The following PPM1E variants were observed in gnomAD, a reference collection of about 807,000 sequenced individuals.
PPM1E encodes the protein protein phosphatase 1E.
A neutral mutation model predicts 65.9 loss-of-function variants in PPM1E; 20 were observed. That is an observed-to-expected ratio of 0.30 (90% CI 0.21 to 0.44). The LOEUF (loss-of-function observed/expected upper bound fraction) is 0.44, where lower values mean the gene tolerates loss of function less well. Ranked by LOEUF, PPM1E falls within the 20% of genes least tolerant of loss-of-function variation. The pLI, the probability that PPM1E is intolerant of heterozygous loss-of-function variation, is 1.00. For missense variants in PPM1E, 713 were observed against 953.1 expected, an observed-to-expected ratio of 0.75 and a Z score of 3.32; for synonymous variants, 352 against 374.9, an observed-to-expected ratio of 0.94 and a Z score of 0.70.
At chr17:58,893,401 A>C (rs575079134) in intron 1 of PPM1E, among the ~76,000 whole-genome samples, 1 of 152,338 alleles carries the variant, frequency 6.6e-6, no homozygotes, top group African/African-American at 2.4e-5. Flanking sequence ...CATACTGGAA[A>C]AAGACAAAAC....
intron 1 of PPM1E, among the ~76,000 whole-genome samples, chr17:58,766,128 A>G (rs895658929): frequency 6.8e-6 from 1 of 146,530 alleles, no homozygotes; most frequent in African/African-American, 2.5e-5. Context: ...CATCCACCCT[A>G]CTTGGCCTCC....
chr17:58,927,529 G>A (rs994831011), intron 1 of PPM1E, among the ~76,000 whole-genome samples: 6 of 152,052 alleles, frequency 3.9e-5, no homozygotes, highest in Non-Finnish European at 8.8e-5. Context: ...TAAGTGTTTC[G>A]GTTGCAGTTT....
rs1224327806 is a variant in PPM1E, at chr17:58,983,020, G to A, written c.*1989G>A. The A allele has an allele frequency of 9.1e-7, 1 of 1,094,048 alleles. No homozygotes were observed. The highest frequency in any genetic ancestry group is 1.3e-6 in the Non-Finnish European group (1 of 751,832). The allele number at this position is 1,094,048 out of a possible 1,614,324, so 67.8% of individuals were successfully genotyped here. ...AAAAAAGCTTTTTAAAATTTCTATTGTTGTCTATTGGTAATGTTTTTGATC... is the reference window on the plus strand; with the variant it reads ...AAAAAAGCTTTTTAAAATTTCTATTATTGTCTATTGGTAATGTTTTTGATC... On this transcript the variant is annotated 3_prime_UTR_variant, in exon 7 of 7. Coordinates refer to ENST00000308249, the MANE Select transcript of PPM1E (RefSeq NM_014906.5).
intron 3 of PPM1E, 114 bp downstream of exon 3, chr17:58,966,007 T>C (rs1232214126): frequency 4.5e-6 from 5 of 1,109,330 alleles, no homozygotes; most frequent in Non-Finnish European, 6.4e-6. Flanking sequence ...TCTGGTAGAT[T>C]AGAGTAGGGC....
intron 1 of PPM1E, among the ~76,000 whole-genome samples, chr17:58,952,540 C>T (rs2052254010): frequency 6.6e-6 from 1 of 152,160 alleles, no homozygotes; most frequent in Non-Finnish European, 1.5e-5. Context: ...AATGTTACTG[C>T]TTGGGGGTGT....
At chr17:58,824,510 A>G (rs946886969) in intron 1 of PPM1E, among the ~76,000 whole-genome samples, 2 of 152,098 alleles carry the variant, frequency 1.3e-5, no homozygotes, top group Non-Finnish European at 2.9e-5. Context: ...AAGAGGATTC[A>G]GGTGTAAAAG....
intron 1 of PPM1E, among the ~76,000 whole-genome samples, chr17:58,903,258 A>G (rs2051518607): frequency 1.3e-5 from 2 of 152,152 alleles, no homozygotes; most frequent in African/African-American, 2.4e-5. Context: ...CAGCCTCCCA[A>G]GGTACTCCAT....
chr17:58,795,038 AC>A (rs1242207121), intron 1 of PPM1E, among the ~76,000 whole-genome samples: 1 of 151,548 alleles, frequency 6.6e-6, no homozygotes, highest in Non-Finnish European at 1.5e-5. Context: ...ACAGGAGCCC[AC>A]CCCCATGCCC....
chr17:58,851,192 G>A (rs2050822634), intron 1 of PPM1E, among the ~76,000 whole-genome samples: 1 of 152,100 alleles, frequency 6.6e-6, no homozygotes, highest in African/African-American at 2.4e-5. Context: ...TTTTTTCAAG[G>A]TTTTTAGCTT....
intron 1 of PPM1E, among the ~76,000 whole-genome samples, chr17:58,879,556 C>CT (rs2051167598): frequency 1.5e-5 from 2 of 130,900 alleles, no homozygotes; most frequent in South Asian, 4.9e-4. Context: ...GTCGCCCAGG[C>CT]TGGAGTGCGG....
At chr17:58,786,181 A>AT (rs1396729675) in intron 1 of PPM1E, among the ~76,000 whole-genome samples, 2 of 151,820 alleles carry the variant, frequency 1.3e-5, no homozygotes, top group South Asian at 2.1e-4. Flanking sequence ...CACCTGGCTA[A>AT]TTTTTTGTAT....
rs1491237132 is a variant in PPM1E, at chr17:58,982,168, A to AT, written c.*1138dup. On this transcript the variant is annotated 3_prime_UTR_variant, in exon 7 of 7. Transcript: ENST00000308249. ...CTGTTTAGTTGTAATTGGAAGACAC[A>AT]TGAGTGTCCTGCTTACATGTAGCTT... The AT allele has an allele frequency of 2.6e-5, 4 of 152,686 alleles. No individual in the cohort carries two copies. The highest frequency in any genetic ancestry group is 9.6e-5 in the African/African-American group (4 of 41,472). 9.5% of individuals were successfully genotyped at this position (152,686 alleles called of 1,614,324 possible).
At chr17:58,841,726 G>A (rs770978557) in intron 1 of PPM1E, among the ~76,000 whole-genome samples, 1 of 151,140 alleles carries the variant, frequency 6.6e-6, no homozygotes, top group Admixed American at 6.6e-5. Flanking sequence ...TTTTCATTTC[G>A]AGACAGAGTC....
chr17:58,977,385 A>G (rs1176117066), intron 6 of PPM1E, among the ~76,000 whole-genome samples: 3 of 151,262 alleles, frequency 2.0e-5, no homozygotes, highest in Admixed American at 6.6e-5. Flanking sequence ...GGAGGTTGCA[A>G]TGAGCTGAGA....
At chr17:58,884,101 T>C (rs2051239012) in intron 1 of PPM1E, among the ~76,000 whole-genome samples, 1 of 152,162 alleles carries the variant, frequency 6.6e-6, no homozygotes, top group African/African-American at 2.4e-5. Flanking sequence ...TGTCCTCTAA[T>C]CTCCAGAGAA....
chr17:58,773,608 C>T (rs2049962504), intron 1 of PPM1E, among the ~76,000 whole-genome samples: 1 of 151,986 alleles, frequency 6.6e-6, no homozygotes, highest in Admixed American at 6.6e-5. Flanking sequence ...TAAATTGTAC[C>T]TTCCTTGAAG....
chr17:58,774,004 A>G (rs1277379019), intron 1 of PPM1E, among the ~76,000 whole-genome samples: 2 of 152,074 alleles, frequency 1.3e-5, no homozygotes, highest in East Asian at 3.9e-4. Context: ...TCTACTAAAA[A>G]TACAAAAATT....
At chr17:58,890,041 G>A (rs9911493) in intron 1 of PPM1E, among the ~76,000 whole-genome samples, 126 of 152,248 alleles carry the variant, frequency 8.3e-4, no homozygotes, top group African/African-American at 1.8e-3. Flanking sequence ...GTTATGTTCC[G>A]TAAAGTTACC....
intron 2 of PPM1E, 56 bp downstream of exon 2, chr17:58,955,823 G>A (rs1490348764): frequency 5.4e-6 from 8 of 1,493,496 alleles, no homozygotes; most frequent in Non-Finnish European, 7.1e-6. Flanking sequence ...TATATGTAGT[G>A]GTCCACAGAA....
Sources: gnomAD v4.1 joint callset for allele counts (sites outside exome capture counted in the v4.1 genomes callset) on GRCh38, gnomAD v4.1.1 for gene constraint, MANE v1.5 for transcripts, NCBI Gene and HGNC (gene_info 2026-07-23, HGNC 2026-07-21) for gene names.